Variants in CA10 observed in about 807,000 individuals in gnomAD.
CA10 encodes the protein carbonic anhydrase-related protein 10.
A neutral mutation model predicts 44.2 loss-of-function variants in CA10; 14 were observed. That is an observed-to-expected ratio of 0.32 (90% CI 0.21 to 0.50). The LOEUF (loss-of-function observed/expected upper bound fraction) is 0.50. CA10 is among the 20% of genes least tolerant of loss of function. The pLI, the probability that CA10 is intolerant of heterozygous loss-of-function variation, is 0.99. For synonymous variants in CA10, 159 were observed against 141.6 expected (o/e 1.12, Z -0.87); for missense variants, 350 against 409.7 (o/e 0.85, Z 1.26).
At chr17:51,894,215 G>A (rs1980976478) in intron 3 of CA10, among the ~76,000 whole-genome samples, 1 of 152,038 alleles carries the variant, frequency 6.6e-6, no homozygotes, top group Non-Finnish European at 1.5e-5. Context: ...GGGACTCCAA[G>A]ATCAGGGGGC....
intron 3 of CA10, among the ~76,000 whole-genome samples, chr17:51,849,583 T>G (rs62063217): frequency 0.01 from 1,565 of 152,270 alleles, 13 homozygotes; most frequent in Non-Finnish European, 0.016. Flanking sequence ...TTTCTGCAAC[T>G]ATTTCCTTTA....
At chr17:51,882,707 C>A (rs1259731620) in intron 3 of CA10, among the ~76,000 whole-genome samples, 2 of 152,130 alleles carry the variant, frequency 1.3e-5, no homozygotes, top group African/African-American at 4.8e-5. Flanking sequence ...TCTCTTGTTC[C>A]TACACAAACA....
intron 3 of CA10, among the ~76,000 whole-genome samples, chr17:51,789,942 C>T (rs1304873713): frequency 6.6e-6 from 1 of 152,174 alleles, no homozygotes; most frequent in Non-Finnish European, 1.5e-5. Context: ...GTATGAGTCA[C>T]ATTATCTTAC....
intron 3 of CA10, among the ~76,000 whole-genome samples, chr17:51,839,406 T>G (rs888459814): frequency 7.2e-6 from 1 of 139,280 alleles, no homozygotes; most frequent in African/African-American, 2.7e-5. Flanking sequence ...GGCAGGAGAA[T>G]GGCATGAACC....
At chr17:51,971,908 A>G (rs1984293324) in intron 2 of CA10, among the ~76,000 whole-genome samples, 1 of 152,038 alleles carries the variant, frequency 6.6e-6, no homozygotes, top group Non-Finnish European at 1.5e-5. Flanking sequence ...TTCCCAATTT[A>G]TAATAATTAT....
chr17:51,863,072 C>G (rs1979384790), intron 3 of CA10, among the ~76,000 whole-genome samples: 1 of 152,144 alleles, frequency 6.6e-6, no homozygotes, highest in South Asian at 2.1e-4. Context: ...TGTATACACC[C>G]TCTAAATCTC....
intron 4 of CA10, among the ~76,000 whole-genome samples, chr17:51,710,972 A>G (rs1221412353): frequency 7.1e-6 from 1 of 141,834 alleles, no homozygotes; most frequent in African/African-American, 2.6e-5. Flanking sequence ...CCAAGAGAGG[A>G]AGCCTTCAAT....
chr17:52,121,654 A>G (rs1299328503), intron 1 of CA10, among the ~76,000 whole-genome samples: 2 of 122,636 alleles, frequency 1.6e-5, no homozygotes, highest in East Asian at 2.4e-4. Flanking sequence ...ATCTCTATCT[A>G]TCTCTAAACA....
chr17:51,975,423 A>C (rs1337185565), intron 2 of CA10, among the ~76,000 whole-genome samples: 1 of 152,234 alleles, frequency 6.6e-6, no homozygotes, highest in African/African-American at 2.4e-5. Flanking sequence ...TCACGCCTGT[A>C]ATCCCAGCAC....
At chr17:51,821,120 C>CCCTT (rs1437731498) in intron 3 of CA10, among the ~76,000 whole-genome samples, 20 of 121,576 alleles carry the variant, frequency 1.6e-4, no homozygotes, top group Admixed American at 1.6e-3. Flanking sequence ...TTTCCTTCCT[C>CCCTT]CCTTCCCTCC....
At chr17:52,038,361 T>C (rs1291516109) in intron 2 of CA10, among the ~76,000 whole-genome samples, 1 of 152,162 alleles carries the variant, frequency 6.6e-6, no homozygotes, top group East Asian at 1.9e-4. Context: ...CAAGAATGAG[T>C]GCACAGAAGC....
chr17:51,748,487 A>T, intron 3 of CA10: 1 of 985,356 alleles, frequency 1.0e-6, no homozygotes, highest in Non-Finnish European at 1.2e-6. Flanking sequence ...ACTGCTTGGC[A>T]TTCCTTTTCC....
At chr17:52,102,442 A>C (rs1323131411) in intron 1 of CA10, among the ~76,000 whole-genome samples, 1 of 152,232 alleles carries the variant, frequency 6.6e-6, no homozygotes, top group Non-Finnish European at 1.5e-5. Context: ...AAGTGACCTT[A>C]AACTTGTTTG....
At chr17:51,721,760 T>C (rs1880768) in intron 4 of CA10, among the ~76,000 whole-genome samples, 18,439 of 152,170 alleles carry the variant, frequency 0.12, 1,376 homozygotes, top group African/African-American at 0.21. Context: ...GGTGAACATA[T>C]TGAGGTGCTG....
intron 4 of CA10, among the ~76,000 whole-genome samples, chr17:51,715,312 C>T (rs899728642): frequency 6.6e-6 from 1 of 151,820 alleles, no homozygotes; most frequent in Non-Finnish European, 1.5e-5. Context: ...CACACGTATA[C>T]ATATGTAAGA....
At chr17:51,912,375 G>C (rs574657688) in intron 3 of CA10, among the ~76,000 whole-genome samples, 1 of 152,290 alleles carries the variant, frequency 6.6e-6, no homozygotes, top group East Asian at 1.9e-4. Context: ...AAAGTAACTT[G>C]CTTAGGGACC....
intron 2 of CA10, among the ~76,000 whole-genome samples, chr17:52,020,973 G>A (rs1567705816): frequency 3.9e-5 from 6 of 152,008 alleles, no homozygotes; most frequent in Admixed American, 1.3e-4. Flanking sequence ...TGCTGCAAAA[G>A]ACAGGATTTT....
At chr17:51,897,598 G>T (rs912247042) in intron 3 of CA10, among the ~76,000 whole-genome samples, 1 of 152,062 alleles carries the variant, frequency 6.6e-6, no homozygotes, top group African/African-American at 2.4e-5. Context: ...CTAATTCTGG[G>T]AAGAATGTCA....
rs2099422614 is a variant in CA10 at position 52,158,159 on chromosome 17, C to G, written c.-373G>C. The G allele has an allele frequency of 2.8e-6, 1 of 358,964 alleles. No homozygotes were observed. Among genetic ancestry groups the G allele is most frequent in the African/African-American group, 2.1e-5 (1 of 47,274 alleles). 22.2% of individuals were successfully genotyped at this position (358,964 alleles called of 1,614,324 possible). On this transcript the variant is annotated 5_prime_UTR_variant, in exon 1 of 9. Coordinates refer to ENST00000451037, the MANE Select transcript of CA10 (RefSeq NM_020178.5). ...CTGAAGCCACCAACACTGGGCTCTT[C>G]CAGCAAAAACGAGACCCCGATTCGT... is the stretch of plus-strand genomic sequence containing the variant.
Sources: gnomAD v4.1 joint callset for allele counts (sites outside exome capture counted in the v4.1 genomes callset) on GRCh38, gnomAD v4.1.1 for gene constraint, MANE v1.5 for transcripts, NCBI Gene and HGNC (gene_info 2026-07-23, HGNC 2026-07-21) for gene names.